The following NALCN variants were observed in gnomAD, a reference collection of about 807,000 sequenced individuals.
The protein encoded by NALCN is sodium leak channel, non-selective, also known as sodium leak channel NALCN.
In NALCN, 111 loss-of-function variants were observed where a neutral mutation model predicts 225.3. The ratio of observed to expected loss-of-function variants is 0.49; its 90% confidence interval spans 0.42 to 0.58. The LOEUF is 0.58. Among genes scored for constraint, NALCN ranks in the 20% least tolerant of loss-of-function variants. The pLI, the probability that NALCN is intolerant of heterozygous loss-of-function variation, is 0.00. For synonymous variants in NALCN, 764 were observed against 769.0 expected (o/e 0.99, Z 0.11); for missense variants, 1,378 against 2,202.4 (o/e 0.63, Z 7.49).
chr13:101,368,221 T>C (rs1457864551), intron 6 of NALCN, among the ~76,000 whole-genome samples: 1 of 147,416 alleles, frequency 6.8e-6, no homozygotes, highest in Non-Finnish European at 1.5e-5. Flanking sequence ...TTCTCATTGT[T>C]CAATTCCCAC....
At chr13:101,157,964 G>A (rs557435256) in intron 15 of NALCN, among the ~76,000 whole-genome samples, 1 of 152,148 alleles carries the variant, frequency 6.6e-6, no homozygotes, top group South Asian at 2.1e-4. Flanking sequence ...CGTTGGCCAG[G>A]CTGGTCTCAA....
At chr13:101,116,348 G>A (rs1392903312) in intron 18 of NALCN, 6 of 252,722 alleles carry the variant, frequency 2.4e-5, no homozygotes, top group South Asian at 1.1e-4. Context: ...TTTTATGGAC[G>A]TTGGGGAAAG....
chr13:101,287,631 T>G (rs950032754), intron 9 of NALCN, among the ~76,000 whole-genome samples: 2 of 152,206 alleles, frequency 1.3e-5, no homozygotes, highest in Non-Finnish European at 2.9e-5. Context: ...AAGAAGATGT[T>G]CTGAATTAGT....
chr13:101,171,951 A>G (rs1009266231), intron 15 of NALCN, among the ~76,000 whole-genome samples: 1 of 152,342 alleles, frequency 6.6e-6, no homozygotes, highest in African/African-American at 2.4e-5. Flanking sequence ...CAGTGCTGCC[A>G]CTTAGAATTT....
At chr13:101,131,340 C>T (rs2036506779) in intron 17 of NALCN, among the ~76,000 whole-genome samples, 1 of 152,054 alleles carries the variant, frequency 6.6e-6, no homozygotes, top group Non-Finnish European at 1.5e-5. Flanking sequence ...CTTATAATAA[C>T]GTTTGCAGGG....
At chr13:101,088,478 A>AC (rs1482034358) in intron 30 of NALCN, among the ~76,000 whole-genome samples, 2 of 152,162 alleles carry the variant, frequency 1.3e-5, no homozygotes, top group African/African-American at 2.4e-5. Flanking sequence ...TCGAAGAATC[A>AC]CAGAGCCTGC....
At chr13:101,257,261 T>C (rs2042268447) in intron 11 of NALCN, among the ~76,000 whole-genome samples, 2 of 147,104 alleles carry the variant, frequency 1.4e-5, no homozygotes, top group African/African-American at 2.5e-5. Flanking sequence ...CAGGTGGCCA[T>C]TGGGCAAATG....
chr13:101,186,832 T>C (rs1360516211), intron 14 of NALCN, among the ~76,000 whole-genome samples: 1 of 152,120 alleles, frequency 6.6e-6, no homozygotes, highest in Non-Finnish European at 1.5e-5. Flanking sequence ...TAAGTAGAGA[T>C]GAGCTAAAGA....
At chr13:101,105,183 C>T (rs2035031552) in intron 22 of NALCN, among the ~76,000 whole-genome samples, 1 of 152,110 alleles carries the variant, frequency 6.6e-6, no homozygotes, top group African/African-American at 2.4e-5. Context: ...TTATATTTCT[C>T]AAAATACTTG....
Position 101,106,979 on chromosome 13 carries a change from A to G in NALCN, c.2579+508T>C, listed in dbSNP as rs114345885. Among the ~76,000 whole-genome samples, 804 of 152,194 alleles carry G rather than the reference A, an allele frequency of 5.3e-3. 12 individuals carry two copies. The highest frequency in any genetic ancestry group is 0.018 in the African/African-American group (749 of 41,536). On this transcript the variant is annotated intron_variant, in intron 22 of 43. Coordinates refer to ENST00000251127, the MANE Select transcript of NALCN (RefSeq NM_052867.4). Reference sequence around the variant, plus strand: ...CCACTCTACTTACGGCTTCTTACACATTTCTTCCATGTTGGTAGGGTAGAG... The same window carrying G: ...CCACTCTACTTACGGCTTCTTACACGTTTCTTCCATGTTGGTAGGGTAGAG...
chr13:101,101,281 C>CTA (rs2034801865), intron 26 of NALCN, among the ~76,000 whole-genome samples: 5 of 112,370 alleles, frequency 4.4e-5, no homozygotes, highest in Non-Finnish European at 8.5e-5. Flanking sequence ...ATTTTTTTTT[C>CTA]TTTTTTTTTT....
chr13:101,411,316 C>A (rs1214238814), intron 1 of NALCN, among the ~76,000 whole-genome samples: 1 of 149,682 alleles, frequency 6.7e-6, no homozygotes, highest in African/African-American at 2.5e-5. Context: ...CATGCTTCCG[C>A]TTCCATTTCC....
Position 101,073,674 on chromosome 13 carries a change from A to G in NALCN, c.4107T>C (p.His1369=), listed in dbSNP as rs1278090028. The G allele has an allele frequency of 4.3e-6, 7 of 1,612,066 alleles. No homozygotes were observed. Among genetic ancestry groups the G allele is most frequent in the Non-Finnish European group, 5.9e-6 (7 of 1,179,396 alleles). ...TVKYGENINR[H]ANFSSAGKAI... is the part of the protein sequence containing the mutation. ...CTTTTCCAGCCGAAGAAAAATTTGC[A>G]TGCCTAATTTAAGAAAAAAAAATTA... is the stretch of plus-strand genomic sequence containing the variant. Residue 1369 remains histidine (H), a synonymous_variant, in exon 37 of 44, where the codon CAT becomes CAC. Transcript: ENST00000251127.
At chr13:101,229,018 A>G (rs990820526) in intron 13 of NALCN, among the ~76,000 whole-genome samples, 3 of 152,176 alleles carry the variant, frequency 2.0e-5, no homozygotes, top group Admixed American at 1.3e-4. Flanking sequence ...TCTGACTAAC[A>G]TAACAATATA....
At chr13:101,109,667 T>A (rs1309621550) in intron 20 of NALCN, among the ~76,000 whole-genome samples, 1 of 152,214 alleles carries the variant, frequency 6.6e-6, no homozygotes, top group African/African-American at 2.4e-5. Context: ...TTACCAGGGC[T>A]TCATAATTAC....
At position 101,272,465 on chromosome 13, in the gene NALCN, G is replaced by T. The variant is rs2042827997; in HGVS notation, c.1134+11468C>A. 2.0e-5 allele frequency among the ~76,000 whole-genome samples: 3 copies of T among 152,168 alleles called. No individual in the cohort carries two copies. The South Asian group carries it at 6.2e-4, about 31-fold the overall frequency. The stretch of plus-strand genomic sequence containing the variant: ...TTGGCAAATGCCTATCGTGAATGAA[G>T]CAATAGAGAAGAAAGAGAAACAAAA... On this transcript the variant is annotated intron_variant, in intron 10 of 43. Transcript: ENST00000251127.
At chr13:101,075,179 A>G (rs2033171216) in intron 35 of NALCN, among the ~76,000 whole-genome samples, 1 of 152,220 alleles carries the variant, frequency 6.6e-6, no homozygotes, top group South Asian at 2.1e-4. Flanking sequence ...AAAAAAGGAA[A>G]CAGCATTGTA....
intron 7 of NALCN, among the ~76,000 whole-genome samples, chr13:101,336,964 G>A (rs1240451923): frequency 6.6e-6 from 1 of 152,052 alleles, no homozygotes; most frequent in Non-Finnish European, 1.5e-5. Context: ...TGCTTGCTAA[G>A]TTCTCTCCCA....
intron 14 of NALCN, among the ~76,000 whole-genome samples, chr13:101,177,071 A>G (rs2038986628): frequency 6.6e-6 from 1 of 152,210 alleles, no homozygotes; most frequent in African/African-American, 2.4e-5. Context: ...AGGATGCTCA[A>G]GCAGCCCTCT....
Sources: allele counts gnomAD v4.1 joint callset (sites outside exome capture counted in the v4.1 genomes callset), GRCh38; gene constraint gnomAD v4.1.1; transcripts MANE v1.5; gene names NCBI Gene and HGNC (gene_info 2026-07-23, HGNC 2026-07-21).